ICOS: variants seen among roughly 807,000 people sequenced by gnomAD.
ICOS encodes the protein inducible T cell costimulator, also known as inducible T-cell costimulator.
Under a neutral mutation model 24.6 loss-of-function variants are expected in ICOS, and 15 were observed. The ratio of observed to expected loss-of-function variants is 0.61; its 90% CI spans 0.41 to 0.94. The LOEUF is 0.94. Ranked by LOEUF, ICOS falls within the 40% of genes least tolerant of loss-of-function variation. The pLI, the probability that ICOS is intolerant of heterozygous loss-of-function variation, is 0.00. For synonymous variants in ICOS, 89 were observed against 77.5 expected (o/e 1.15, Z -0.78); for missense variants, 200 against 233.0 (o/e 0.86, Z 0.92).
chr2:203,942,932 T>C (rs7594065), intron 1 of ICOS, among the ~76,000 whole-genome samples: 98,906 of 152,146 alleles, frequency 0.65, 34,791 homozygotes, highest in Non-Finnish European at 0.78. Flanking sequence ...CTTCTAGTTG[T>C]TCAATTCTAT....
intron 1 of ICOS, among the ~76,000 whole-genome samples, chr2:203,950,743 A>G (rs1231734497): frequency 6.6e-6 from 1 of 152,158 alleles, no homozygotes; most frequent in African/African-American, 2.4e-5. Context: ...GTAGTTTTTA[A>G]GTTAAAGATA....
intron 1 of ICOS, among the ~76,000 whole-genome samples, chr2:203,945,653 G>A (rs1689854762): frequency 6.6e-6 from 1 of 152,150 alleles, no homozygotes; most frequent in Non-Finnish European, 1.5e-5. Context: ...GGCCATGGTA[G>A]CACAATGGTA....
At chr2:203,942,223 A>G (rs1689790382) in intron 1 of ICOS, among the ~76,000 whole-genome samples, 2 of 152,224 alleles carry the variant, frequency 1.3e-5, no homozygotes, top group Admixed American at 1.3e-4. Flanking sequence ...GAATCTGTAC[A>G]TGCAAAAACA....
chr2:203,936,949 A>G, intron 1 of ICOS, 77 bp downstream of exon 1: 1 of 1,113,826 alleles, frequency 9.0e-7, no homozygotes, highest in Non-Finnish European at 1.4e-6. Flanking sequence ...TAGAAAAATT[A>G]CGCACCCAAA....
chr2:203,943,736 G>C (rs895261359), intron 1 of ICOS, among the ~76,000 whole-genome samples: 4 of 152,266 alleles, frequency 2.6e-5, no homozygotes, highest in Admixed American at 6.5e-5. Context: ...TATGCCCTTT[G>C]TGTTCTGCTA....
At position 203,960,670 on chromosome 2, in the gene ICOS, A is replaced by G. The variant is rs1384695204; in HGVS notation, c.*1071A>G. On this transcript the variant is annotated 3_prime_UTR_variant, in exon 5 of 5. Coordinates refer to ENST00000316386, the MANE Select transcript of ICOS (RefSeq NM_012092.4). ...ATTTAGCCTGAAAGCTGCAGTTACT[A>G]TAGGTTGCTGTCAGACTATACCCAT... 1 of 152,172 alleles carries G rather than the reference A, an allele frequency of 6.6e-6. No individual in the cohort carries two copies. The highest frequency in any genetic ancestry group is 1.5e-5 in the Non-Finnish European group (1 of 68,030). The allele number at this position is 152,172 out of a possible 1,614,324, so 9.4% of individuals were successfully genotyped here.
chr2:203,956,069 T>C, intron 2 of ICOS, 98 bp downstream of exon 2: 2 of 824,392 alleles, frequency 2.4e-6, no homozygotes, highest in Non-Finnish European at 3.9e-6. Context: ...ATATCTTTTG[T>C]GTTGGAGTTC....
intron 1 of ICOS, among the ~76,000 whole-genome samples, chr2:203,952,432 T>A (rs551717139): frequency 2.3e-4 from 35 of 152,324 alleles, no homozygotes; most frequent in African/African-American, 8.4e-4. Flanking sequence ...GTTGAAACAG[T>A]CTAATAGTTG....
intron 4 of ICOS, among the ~76,000 whole-genome samples, chr2:203,958,685 A>T (rs992835578): frequency 2.6e-5 from 4 of 152,196 alleles, no homozygotes; most frequent in African/African-American, 9.6e-5. Context: ...GATGGGAGCT[A>T]AAAAGGATCC....
chr2:203,957,382 C>G (rs1559036253), intron 3 of ICOS, among the ~76,000 whole-genome samples: 1 of 152,158 alleles, frequency 6.6e-6, no homozygotes, highest in African/African-American at 2.4e-5. Flanking sequence ...GGGGGATATT[C>G]TTTTTGGTCT....
rs748058836 is a variant in ICOS at position 203,955,963 on chromosome 2, A to G, written c.386A>G (p.His129Arg). 1.9e-6 allele frequency: 3 copies of G among 1,604,586 alleles called. No individual in the cohort carries two copies. The highest frequency in any genetic ancestry group is 2.6e-6 in the Non-Finnish European group (3 of 1,172,276). The change falls in exon 2 of 5, where the codon CAT becomes CGT. Residue 129 changes from histidine to arginine, a missense_variant. His to Arg is a conservative substitution (Grantham distance 29). Coordinates refer to ENST00000316386, the MANE Select transcript of ICOS (RefSeq NM_012092.4). Reference protein sequence around the residue: ...FKVTLTGGYLHIYESQLCCQL... With the variant: ...FKVTLTGGYLRIYESQLCCQL... ...GTAACTCTTACAGGAGGATATTTGC[A>G]TATTTATGGTAAGACATTGCTTTCA...
chr2:203,946,188 C>T (rs1279364603), intron 1 of ICOS, among the ~76,000 whole-genome samples: 1 of 152,128 alleles, frequency 6.6e-6, no homozygotes, highest in Non-Finnish European at 1.5e-5. Flanking sequence ...AATATTGATA[C>T]AAAGTTTTAT....
At chr2:203,951,861 A>G (rs1226271144) in intron 1 of ICOS, among the ~76,000 whole-genome samples, 1 of 152,202 alleles carries the variant, frequency 6.6e-6, no homozygotes, top group Non-Finnish European at 1.5e-5. Context: ...TTACTGTCAG[A>G]CAAATAAAGC....
At chr2:203,951,356 C>T (rs1028146105) in intron 1 of ICOS, among the ~76,000 whole-genome samples, 1 of 152,218 alleles carries the variant, frequency 6.6e-6, no homozygotes, top group African/African-American at 2.4e-5. Context: ...GCAGTCTTAT[C>T]TGGATATATT....
At position 203,960,821 on chromosome 2, in the gene ICOS, G is replaced by A. The variant is rs1690166685; in HGVS notation, c.*1222G>A. 1.3e-5 allele frequency: 2 copies of A among 152,206 alleles called. No individual in the cohort carries two copies. Among genetic ancestry groups the A allele is most frequent in the African/African-American group, 4.8e-5 (2 of 41,448 alleles). 9.4% of individuals were successfully genotyped at this position (152,206 alleles called of 1,614,324 possible). The stretch of plus-strand genomic sequence containing the variant: ...AGGCCACTAGGTATTCTTGCTCCCA[G>A]AGGCTGAAGTCACCCTGGGAATCAC... On this transcript the variant is annotated 3_prime_UTR_variant, in exon 5 of 5. Coordinates refer to ENST00000316386, the MANE Select transcript of ICOS (RefSeq NM_012092.4).
chr2:203,956,916 A>C, intron 3 of ICOS, 151 bp downstream of exon 3: 1 of 648,146 alleles, frequency 1.5e-6, no homozygotes, highest in Non-Finnish European at 2.8e-6. Context: ...AATTAAACTA[A>C]TCACTTGGAA....
intron 1 of ICOS, among the ~76,000 whole-genome samples, chr2:203,941,851 AT>A (rs950591400): frequency 6.6e-5 from 10 of 151,098 alleles, no homozygotes; most frequent in South Asian, 2.1e-4. Context: ...TCAAGAAATG[AT>A]TTTTTTTTTC....
intron 1 of ICOS, among the ~76,000 whole-genome samples, chr2:203,947,603 G>A (rs924492140): frequency 2.0e-5 from 3 of 152,144 alleles, no homozygotes; most frequent in African/African-American, 7.2e-5. Flanking sequence ...ACTGCGCCCG[G>A]CCTATAAAAA....
At position 203,936,869 on chromosome 2, in the gene ICOS, A is replaced by G. The variant is rs963826659; in HGVS notation, c.55A>G (p.Thr19Ala). ...FLFCLRIKVL[T>A]GEINGSANYE... ...CTTCTGCTTGCGCATTAAAGTTTTA[A>G]CAGGTAAGTGGTGTATTGAATATTT... Residue 19 changes from threonine (T) to alanine (A), a missense_variant, in exon 1 of 5, where the codon ACA (threonine) becomes GCA (alanine). Coordinates refer to ENST00000316386, the MANE Select transcript of ICOS (RefSeq NM_012092.4). 1 of 1,592,496 alleles carries G rather than the reference A, an allele frequency of 6.3e-7. No homozygotes were observed. Among genetic ancestry groups the G allele is most frequent in the Non-Finnish European group, 8.6e-7 (1 of 1,161,212 alleles).
Sources: gnomAD v4.1 joint callset for allele counts (sites outside exome capture counted in the v4.1 genomes callset) on GRCh38, gnomAD v4.1.1 for gene constraint, MANE v1.5 for transcripts, NCBI Gene and HGNC (gene_info 2026-07-23, HGNC 2026-07-21) for gene names.